CSNK1G1: variants seen among roughly 807,000 people sequenced by gnomAD.
The protein encoded by CSNK1G1 is casein kinase 1 gamma 1.
A neutral mutation model predicts 59.6 loss-of-function variants in CSNK1G1; 22 were observed. That is an observed-to-expected ratio of 0.37 (90% CI 0.26 to 0.53). CSNK1G1 has a LOEUF of 0.53. Ranked by LOEUF, CSNK1G1 falls within the 20% of genes least tolerant of loss-of-function variation. CSNK1G1 has a pLI of 0.89. For missense variants in CSNK1G1, 384 were observed against 519.5 expected (o/e 0.74, Z 2.54); for synonymous variants, 179 against 177.1 (o/e 1.01, Z -0.08).
chr15:64,272,515 C>T (rs115352684), intron 2 of CSNK1G1, among the ~76,000 whole-genome samples: 1,875 of 152,104 alleles, frequency 0.012, 30 homozygotes, highest in African/African-American at 0.044. Context: ...CCACGCCCGG[C>T]CCCACTCTGT....
intron 2 of CSNK1G1, among the ~76,000 whole-genome samples, chr15:64,291,902 A>G (rs1481499318): frequency 6.6e-6 from 1 of 152,008 alleles, no homozygotes; most frequent in Non-Finnish European, 1.5e-5. Context: ...AGCAGAAGTT[A>G]AAAGTTCCAA....
intron 2 of CSNK1G1, among the ~76,000 whole-genome samples, chr15:64,271,387 G>A (rs557165013): frequency 2.0e-5 from 3 of 152,004 alleles, no homozygotes; most frequent in East Asian, 1.9e-4. Context: ...TCCCCAAGAC[G>A]CAAGCAATCC....
chr15:64,252,075 T>C (rs573173168), intron 3 of CSNK1G1, among the ~76,000 whole-genome samples: 5 of 151,806 alleles, frequency 3.3e-5, no homozygotes, highest in South Asian at 2.1e-4. Context: ...ACTATTAACA[T>C]TTTAGTGAAT....
intron 10 of CSNK1G1, chr15:64,193,951 A>G (rs1162395678): frequency 6.6e-6 from 1 of 152,334 alleles, no homozygotes; most frequent in Non-Finnish European, 1.5e-5. Flanking sequence ...ACAGAAAGAA[A>G]AAAACTTTTA....
intron 1 of CSNK1G1, among the ~76,000 whole-genome samples, chr15:64,345,706 C>T (rs1897918097): frequency 6.6e-6 from 1 of 152,126 alleles, no homozygotes; most frequent in Admixed American, 6.6e-5. Context: ...CGTTAGGAAA[C>T]TCTCATTTAA....
At chr15:64,302,400 C>G (rs1246544707) in intron 1 of CSNK1G1, among the ~76,000 whole-genome samples, 1 of 152,024 alleles carries the variant, frequency 6.6e-6, no homozygotes, top group Non-Finnish European at 1.5e-5. Flanking sequence ...CATGCCTGGC[C>G]TCTGATTGCT....
At chr15:64,346,505 A>T (rs8040486) in intron 1 of CSNK1G1, among the ~76,000 whole-genome samples, 144,049 of 151,550 alleles carry the variant, frequency 0.95, 68,800 homozygotes, top group East Asian at 1. Flanking sequence ...TTGCCCAGAC[A>T]GGAGTACAAT....
At chr15:64,289,810 G>A (rs1396563454) in intron 2 of CSNK1G1, among the ~76,000 whole-genome samples, 2 of 151,930 alleles carry the variant, frequency 1.3e-5, no homozygotes, top group Non-Finnish European at 1.5e-5. Flanking sequence ...CAAAGGACAT[G>A]AACATTTTTC....
chr15:64,318,179 T>TA (rs1896373645), intron 1 of CSNK1G1, among the ~76,000 whole-genome samples: 1 of 151,838 alleles, frequency 6.6e-6, no homozygotes, highest in Non-Finnish European at 1.5e-5. Context: ...TATATATATA[T>TA]TTTTAATGGC....
At chr15:64,352,005 T>C (rs1021500841) in intron 1 of CSNK1G1, among the ~76,000 whole-genome samples, 2 of 152,078 alleles carry the variant, frequency 1.3e-5, no homozygotes, top group Admixed American at 6.6e-5. Context: ...GATAAAAAAA[T>C]GATACGAGAA....
At chr15:64,265,569 T>C (rs1442798841) in intron 2 of CSNK1G1, among the ~76,000 whole-genome samples, 1 of 152,004 alleles carries the variant, frequency 6.6e-6, no homozygotes, top group East Asian at 1.9e-4. Flanking sequence ...CAATTAAACC[T>C]CTTTCCTTTA....
At chr15:64,206,095 C>G (rs2082175873) in intron 7 of CSNK1G1, among the ~76,000 whole-genome samples, 1 of 152,186 alleles carries the variant, frequency 6.6e-6, no homozygotes, top group African/African-American at 2.4e-5. Context: ...CACTTGAGGT[C>G]AGGAGCTCGA....
intron 2 of CSNK1G1, among the ~76,000 whole-genome samples, chr15:64,294,693 C>G (rs540027031): frequency 6.9e-6 from 1 of 145,512 alleles, no homozygotes; most frequent in African/African-American, 2.5e-5. Context: ...GGCAGATCAC[C>G]TGAGGTCAGG....
At chr15:64,275,383 C>T (rs1336369561) in intron 2 of CSNK1G1, among the ~76,000 whole-genome samples, 3 of 152,110 alleles carry the variant, frequency 2.0e-5, no homozygotes, top group Middle Eastern at 3.4e-3. Flanking sequence ...AAGAAGATAA[C>T]GATAGCAATA....
intron 1 of CSNK1G1, among the ~76,000 whole-genome samples, chr15:64,346,306 A>C (rs1897966704): frequency 6.9e-6 from 1 of 144,472 alleles, no homozygotes; most frequent in East Asian, 2.0e-4. Context: ...ACACCTTTCC[A>C]AAAAAAAAAA....
chr15:64,271,568 T>C (rs574932112), intron 2 of CSNK1G1, among the ~76,000 whole-genome samples: 1 of 152,266 alleles, frequency 6.6e-6, no homozygotes, highest in African/African-American at 2.4e-5. Flanking sequence ...GGATTACAGG[T>C]GTTAGCCACA....
intron 4 of CSNK1G1, among the ~76,000 whole-genome samples, chr15:64,244,040 G>A (rs1044010787): frequency 6.6e-6 from 1 of 151,480 alleles, no homozygotes; most frequent in Non-Finnish European, 1.5e-5. Flanking sequence ...GTGGTGGTGG[G>A]CACCTGTAAT....
chr15:64,215,462 T>C (rs905497995), intron 5 of CSNK1G1, among the ~76,000 whole-genome samples: 2 of 152,170 alleles, frequency 1.3e-5, no homozygotes, highest in African/African-American at 4.8e-5. Flanking sequence ...TCCGCCCACC[T>C]TGGCCTCCCA....
chr15:64,281,299 A>T (rs1363540426), intron 2 of CSNK1G1, among the ~76,000 whole-genome samples: 2 of 152,194 alleles, frequency 1.3e-5, no homozygotes, highest in Non-Finnish European at 2.9e-5. Flanking sequence ...TGAAGTAGTC[A>T]AATTCATACA....
Sources: gnomAD v4.1 joint callset for allele counts (sites outside exome capture counted in the v4.1 genomes callset) on GRCh38, gnomAD v4.1.1 for gene constraint, MANE v1.5 for transcripts, NCBI Gene and HGNC (gene_info 2026-07-23, HGNC 2026-07-21) for gene names.